The following ZMPSTE24 variants were observed in gnomAD, a reference collection of about 807,000 sequenced individuals.
ZMPSTE24 encodes zinc metallopeptidase STE24, also known as CAAX prenyl protease 1 homolog.
A neutral mutation model predicts 56.7 loss-of-function variants in ZMPSTE24; 48 were observed. The ratio of observed to expected loss-of-function variants is 0.85; its 90% CI spans 0.67 to 1.08. The LOEUF (loss-of-function observed/expected upper bound fraction) is 1.08. Among genes scored for constraint, ZMPSTE24 ranks in the 50% least tolerant of loss-of-function variants. The pLI, the probability that ZMPSTE24 is intolerant of heterozygous loss-of-function variation, is 0.00. For synonymous variants in ZMPSTE24, 172 were observed against 195.2 expected, an observed-to-expected ratio of 0.88 and a Z score of 0.99; for missense variants, 503 against 548.7, an observed-to-expected ratio of 0.92 and a Z score of 0.83.
At chr1:40,278,075 C>G (rs554626448) in intron 6 of ZMPSTE24, among the ~76,000 whole-genome samples, 1 of 151,876 alleles carries the variant, frequency 6.6e-6, no homozygotes, top group Non-Finnish European at 1.5e-5. Context: ...TTGGCTCTTC[C>G]TGGCAACCAA....
intron 1 of ZMPSTE24, among the ~76,000 whole-genome samples, chr1:40,259,803 T>C (rs942543693): frequency 1.3e-5 from 2 of 151,934 alleles, no homozygotes; most frequent in African/African-American, 4.8e-5. Flanking sequence ...GTAGAGATGT[T>C]GCCCGGGGTG....
chr1:40,292,571 G>A lies in ZMPSTE24; in HGVS notation c.1330G>A (p.Gly444Arg). 6.2e-7 allele frequency: 1 copy of A among 1,614,036 alleles called. No homozygotes were observed. Among genetic ancestry groups the A allele is most frequent in the Non-Finnish European group, 8.5e-7 (1 of 1,179,996 alleles). Reference sequence around the variant, plus strand: ...AATCAAACTTAACAAAGATAACTTGGGATTCCCTGTTTCTGACTGGTTGTT... The same window carrying A: ...AATCAAACTTAACAAAGATAACTTGAGATTCCCTGTTTCTGACTGGTTGTT... ...ALIKLNKDNLGFPVSDWLFSM... is the reference protein window; with the variant it reads ...ALIKLNKDNLRFPVSDWLFSM... The change falls in exon 10 of 10, where the codon GGA becomes AGA. Residue 444 changes from glycine to arginine, a missense_variant. Transcript: ENST00000372759.
At chr1:40,288,297 T>C (rs61779108) in intron 8 of ZMPSTE24, among the ~76,000 whole-genome samples, 7,456 of 152,308 alleles carry the variant, frequency 0.049, 524 homozygotes, top group African/African-American at 0.16. Flanking sequence ...GGCCTGAAGC[T>C]ATGTTGTGTG....
chr1:40,278,556 T>TAAAAA (rs1643694582), intron 6 of ZMPSTE24, among the ~76,000 whole-genome samples: 1 of 12,862 alleles, frequency 7.8e-5, no homozygotes. Context: ...AGACTCCGTC[T>TAAAAA]CAAAAAAAAA....
chr1:40,278,998 G>A (rs541955092), intron 6 of ZMPSTE24, among the ~76,000 whole-genome samples: 16 of 152,168 alleles, frequency 1.1e-4, no homozygotes, highest in Admixed American at 8.5e-4. Flanking sequence ...AAAATTAGCC[G>A]GGCATGGTGG....
chr1:40,265,728 AT>A (rs1363740608), intron 2 of ZMPSTE24, among the ~76,000 whole-genome samples: 1 of 152,086 alleles, frequency 6.6e-6, no homozygotes, highest in Non-Finnish European at 1.5e-5. Flanking sequence ...TAAAGCAATG[AT>A]TTTCAAACTT....
chr1:40,267,724 C>G, intron 2 of ZMPSTE24, 62 bp from the exon 3 acceptor site: 1 of 1,261,442 alleles, frequency 7.9e-7, no homozygotes, highest in South Asian at 1.2e-5. Context: ...TTATACCATG[C>G]TTTCTCATAT....
At chr1:40,287,533 C>G (rs1643799604) in intron 8 of ZMPSTE24, among the ~76,000 whole-genome samples, 1 of 151,618 alleles carries the variant, frequency 6.6e-6, no homozygotes, top group Non-Finnish European at 1.5e-5. Flanking sequence ...AAAAATTAGC[C>G]AGGCGTGGTG....
Position 40,292,775 on chromosome 1 carries a change from C to T in ZMPSTE24, c.*106C>T, listed in dbSNP as rs1643857139. The T allele has an allele frequency of 3.3e-6, 3 of 900,436 alleles. No individual in the cohort carries two copies. Among genetic ancestry groups the T allele is most frequent in the Middle Eastern group, 2.2e-4 (1 of 4,454 alleles). 55.8% of individuals were successfully genotyped at this position (900,436 alleles called of 1,614,324 possible). ...TTTTTTTTAGAAGAAAAATTAAGTACAGAAAAGCCCAGATTTAAATACATT... is the reference window on the plus strand; with the variant it reads ...TTTTTTTTAGAAGAAAAATTAAGTATAGAAAAGCCCAGATTTAAATACATT... On this transcript the variant is annotated 3_prime_UTR_variant, in exon 10 of 10. Transcript: ENST00000372759.
At chr1:40,276,586 A>T (rs1643673405) in intron 6 of ZMPSTE24, among the ~76,000 whole-genome samples, 1 of 152,242 alleles carries the variant, frequency 6.6e-6, no homozygotes. Context: ...GAGTTCTCAA[A>T]TATGTTACTT....
chr1:40,261,614 T>G (rs1366117274), intron 2 of ZMPSTE24, among the ~76,000 whole-genome samples: 1 of 152,250 alleles, frequency 6.6e-6, no homozygotes, highest in East Asian at 1.9e-4. Flanking sequence ...TTAAGTCTTG[T>G]TCATCATTTT....
intron 6 of ZMPSTE24, among the ~76,000 whole-genome samples, chr1:40,273,750 C>G (rs754546906): frequency 6.7e-6 from 1 of 149,900 alleles, no homozygotes; most frequent in Non-Finnish European, 1.5e-5. Flanking sequence ...TTAATCAGTA[C>G]AACAGAATAG....
intron 6 of ZMPSTE24, among the ~76,000 whole-genome samples, chr1:40,279,201 G>T (rs1643702634): frequency 6.6e-6 from 1 of 152,144 alleles, no homozygotes; most frequent in Admixed American, 6.5e-5. Context: ...ATAGAAGTAG[G>T]TATGCTGATT....
intron 6 of ZMPSTE24, among the ~76,000 whole-genome samples, chr1:40,277,574 G>T (rs1643682938): frequency 1.3e-5 from 2 of 152,094 alleles, no homozygotes; most frequent in South Asian, 4.1e-4. Flanking sequence ...GTGGGAGATA[G>T]TAAGACATTA....
chr1:40,271,623 G>T (rs1282534159), intron 5 of ZMPSTE24, among the ~76,000 whole-genome samples: 1 of 152,104 alleles, frequency 6.6e-6, no homozygotes, highest in African/African-American at 2.4e-5. Context: ...ACCACCTAGA[G>T]ATTTTAATCA....
chr1:40,292,543 T>G lies in ZMPSTE24; in HGVS notation c.1302T>G (p.Ala434=). Residue 434 remains alanine, a synonymous_variant, in exon 10 of 10, where the codon GCT becomes GCG. Coordinates refer to ENST00000372759, the MANE Select transcript of ZMPSTE24 (RefSeq NM_005857.5). ...GGAAGGCTAAAGACTTATATTCTGC[T>G]TTAATCAAACTTAACAAAGATAACT... ...KLGKAKDLYS[A]LIKLNKDNLG... 3 of 1,614,196 alleles carry G rather than the reference T, an allele frequency of 1.9e-6. No individual in the cohort carries two copies. Among genetic ancestry groups the G allele is most frequent in the Non-Finnish European group, 2.5e-6 (3 of 1,180,022 alleles).
Position 40,258,307 on chromosome 1 carries a change from G to C in ZMPSTE24, c.36G>C (p.Glu12Asp). The change falls in exon 1 of 10, where the codon GAG (glutamate) becomes GAC (aspartate). Residue 12 changes from glutamate to aspartate, a missense_variant. Transcript: ENST00000372759. ...GGGCATCGCTGGACGCTTTGTGGGA[G>C]ATGCCGGCCGAGAAGCGTATCTTCG... The part of the protein sequence containing the change: ...GMWASLDALW[E>D]MPAEKRIFGA... The C allele has an allele frequency of 6.2e-7, 1 of 1,614,158 alleles. No homozygotes were observed.
intron 8 of ZMPSTE24, among the ~76,000 whole-genome samples, chr1:40,286,619 C>T (rs1455261030): frequency 1.3e-5 from 2 of 151,842 alleles, no homozygotes; most frequent in South Asian, 2.1e-4. Context: ...CAGGGTATCA[C>T]CATGTTGGCC....
chr1:40,269,089 A>G (rs1329748469), intron 4 of ZMPSTE24, among the ~76,000 whole-genome samples: 2 of 150,274 alleles, frequency 1.3e-5, no homozygotes, highest in Non-Finnish European at 3.0e-5. Flanking sequence ...AAAAAAAAAA[A>G]AAAAAAAAGA....
Sources: allele counts gnomAD v4.1 joint callset (sites outside exome capture counted in the v4.1 genomes callset), GRCh38; gene constraint gnomAD v4.1.1; transcripts MANE v1.5; gene names NCBI Gene and HGNC (gene_info 2026-07-23, HGNC 2026-07-21).